CASP5: variants seen among roughly 807,000 people sequenced by gnomAD.
The protein encoded by CASP5 is caspase-5.
CASP5 carries 42 observed loss-of-function variants against 45.2 expected under a neutral mutation model. The observed-to-expected ratio is 0.93, with a 90% CI of 0.73 to 1.20. The LOEUF (loss-of-function observed/expected upper bound fraction) is 1.20. Among genes scored for constraint, CASP5 ranks in the 50% most tolerant of loss-of-function variants. CASP5 has a pLI of 0.00. For missense variants in CASP5, 512 were observed against 532.2 expected, an observed-to-expected ratio of 0.96 and a Z score of 0.37; for synonymous variants, 209 against 186.2, an observed-to-expected ratio of 1.12 and a Z score of -1.00.
chr11:105,000,204 A>G, intron 6 of CASP5, 57 bp downstream of exon 6: 3 of 1,570,490 alleles, frequency 1.9e-6, no homozygotes, highest in South Asian at 2.2e-5. Flanking sequence ...TAAACCAAAC[A>G]TCACAATCCT....
chr11:105,009,756 T>TAC (rs1467124245), intron 1 of CASP5, among the ~76,000 whole-genome samples: 4 of 93,250 alleles, frequency 4.3e-5, no homozygotes, highest in African/African-American at 8.6e-5. Context: ...TATATATATA[T>TAC]ATACACACAC....
intron 1 of CASP5, among the ~76,000 whole-genome samples, chr11:105,019,023 A>G (rs1193640657): frequency 1.1e-4 from 16 of 143,104 alleles, no homozygotes; most frequent in Middle Eastern, 3.5e-3. Flanking sequence ...ACTCAACTAC[A>G]TGGAAACTGA....
At chr11:105,003,805 C>T (rs985768547) in intron 3 of CASP5, among the ~76,000 whole-genome samples, 2 of 151,550 alleles carry the variant, frequency 1.3e-5, no homozygotes, top group Non-Finnish European at 2.9e-5. Context: ...AATGTGAGTT[C>T]CATATGCAAT....
chr11:105,002,465 T>C (rs1259261680), intron 4 of CASP5, among the ~76,000 whole-genome samples: 1 of 152,188 alleles, frequency 6.6e-6, no homozygotes, highest in African/African-American at 2.4e-5. Context: ...AAACATTTCT[T>C]ATATTTAGGT....
chr11:105,014,000 C>T (rs979589436), intron 1 of CASP5, among the ~76,000 whole-genome samples: 2 of 152,132 alleles, frequency 1.3e-5, no homozygotes, highest in East Asian at 1.9e-4. Context: ...CTATTCAGGC[C>T]AACACCCTTT....
chr11:105,015,881 C>G (rs761283384), intron 1 of CASP5, among the ~76,000 whole-genome samples: 1 of 152,036 alleles, frequency 6.6e-6, no homozygotes, highest in Non-Finnish European at 1.5e-5. Context: ...AACTCAACAG[C>G]AAGGAAGTAC....
intron 1 of CASP5, among the ~76,000 whole-genome samples, chr11:105,015,862 G>T (rs183415051): frequency 6.6e-6 from 1 of 152,036 alleles, no homozygotes. Context: ...TGGGAGAATC[G>T]AATAAAGAAA....
Position 104,998,935 on chromosome 11 carries a change from C to T in CASP5, c.1046G>A (p.Cys349Tyr). 1.2e-5 allele frequency: 20 copies of T among 1,613,928 alleles called. No individual in the cohort carries two copies. The highest frequency in any genetic ancestry group is 1.7e-5 in the Non-Finnish European group (20 of 1,179,870). ...GAAGTCCTTCTCCTCGTGGATCTTG[C>T]AAACAGAATCTGCCTCCAGGTTCTC... is the stretch of plus-strand genomic sequence containing the variant. ...SSENLEADSV[C>Y]KIHEEKDFIA... Residue 349 changes from cysteine to tyrosine, a missense_variant, in exon 7 of 10, where the codon TGC (cysteine) becomes TAC (tyrosine). Coordinates refer to ENST00000260315, the MANE Select transcript of CASP5 (RefSeq NM_004347.5).
intron 1 of CASP5, among the ~76,000 whole-genome samples, chr11:105,019,367 G>A (rs1314110819): frequency 4.7e-5 from 7 of 150,440 alleles, no homozygotes; most frequent in African/African-American, 9.7e-5. Flanking sequence ...GAATCCAGGA[G>A]CTGGTTTTTT....
intron 8 of CASP5, among the ~76,000 whole-genome samples, chr11:104,996,339 C>A (rs1861470708): frequency 6.6e-6 from 1 of 152,148 alleles, no homozygotes; most frequent in African/African-American, 2.4e-5. Flanking sequence ...TACCGTAAAT[C>A]CAATATTTCT....
At chr11:105,002,763 AAAAAAG>A (rs1861803490) in intron 4 of CASP5, among the ~76,000 whole-genome samples, 1 of 135,204 alleles carries the variant, frequency 7.4e-6, no homozygotes, top group Non-Finnish European at 1.8e-5. Flanking sequence ...AATAAATGAT[AAAAAAG>A]AGAAAGCTAC....
chr11:105,011,800 A>G (rs1328166429), intron 1 of CASP5, among the ~76,000 whole-genome samples: 1 of 151,728 alleles, frequency 6.6e-6, no homozygotes, highest in African/African-American at 2.4e-5. Context: ...CCTGAGATTC[A>G]CAAAAATCAA....
Position 104,995,879 on chromosome 11 carries a change from T to C in CASP5, c.1207-37A>G, listed in dbSNP as rs764586508. 9 of 1,334,238 alleles carry C rather than the reference T, an allele frequency of 6.7e-6. No homozygotes were observed. In the South Asian group the frequency reaches 9.5e-5, roughly 14 times the overall value. 82.6% of individuals were successfully genotyped at this position (1,334,238 alleles called of 1,614,324 possible). A position where few individuals can be genotyped will look rare whatever the true frequency, so the allele number is the denominator to read the frequency against. On this transcript the variant is annotated intron_variant, in intron 8 of 9. Transcript: ENST00000260315. ...AACAGTAGATGAGATATGAGGGATT[T>C]TGGGTTCTCAGAATGCATCTTACAC... is the stretch of plus-strand genomic sequence containing the variant.
At chr11:105,020,452 A>T (rs1253063084) in intron 1 of CASP5, among the ~76,000 whole-genome samples, 1 of 149,788 alleles carries the variant, frequency 6.7e-6, no homozygotes, top group African/African-American at 2.5e-5. Context: ...AAGCAACTTC[A>T]GCAAAGTCTC....
intron 3 of CASP5, among the ~76,000 whole-genome samples, chr11:105,004,654 C>A (rs1445713226): frequency 6.6e-6 from 1 of 151,868 alleles, no homozygotes; most frequent in Non-Finnish European, 1.5e-5. Flanking sequence ...ATATATCAAT[C>A]ATTTGTTTCT....
At chr11:105,009,830 T>TATATATATACAC (rs1284198709) in intron 1 of CASP5, among the ~76,000 whole-genome samples, 4 of 47,596 alleles carry the variant, frequency 8.4e-5, no homozygotes, top group Admixed American at 1.5e-4. Flanking sequence ...TATATACACA[T>TATATATATACAC]ATATATATAC....
chr11:104,996,483 G>A (rs1371016488), intron 8 of CASP5, among the ~76,000 whole-genome samples: 1 of 152,118 alleles, frequency 6.6e-6, no homozygotes, highest in East Asian at 1.9e-4. Context: ...AACACCAGTG[G>A]TATATCTTCC....
At chr11:105,017,776 C>G (rs1862707352) in intron 1 of CASP5, among the ~76,000 whole-genome samples, 1 of 151,960 alleles carries the variant, frequency 6.6e-6, no homozygotes, top group Non-Finnish European at 1.5e-5. Flanking sequence ...GCAAGGCAGG[C>G]CAACATTCAG....
chr11:105,002,768 A>G (rs1002347127), intron 4 of CASP5, among the ~76,000 whole-genome samples: 3 of 135,234 alleles, frequency 2.2e-5, no homozygotes, highest in Admixed American at 2.2e-4. Flanking sequence ...ATGATAAAAA[A>G]GAGAAAGCTA....
Sources: gnomAD v4.1 joint callset for allele counts (sites outside exome capture counted in the v4.1 genomes callset) on GRCh38, gnomAD v4.1.1 for gene constraint, MANE v1.5 for transcripts, NCBI Gene and HGNC (gene_info 2026-07-23, HGNC 2026-07-21) for gene names.